The following SAMMSON variants were observed in gnomAD, a reference collection of about 807,000 sequenced individuals.
SAMMSON encodes the protein long intergenic non-protein coding RNA 1212.
intron 4 of SAMMSON, chr3:70,095,916 A>G (rs1427900529): frequency 6.6e-6 from 1 of 152,192 alleles, no homozygotes; most frequent in Non-Finnish European, 1.5e-5. Flanking sequence ...GATTATTGCC[A>G]CATTACCACA....
intron 4 of SAMMSON, among the ~76,000 whole-genome samples, chr3:70,102,438 G>A (rs577048651): frequency 1.3e-5 from 2 of 152,264 alleles, no homozygotes; most frequent in South Asian, 4.1e-4. Flanking sequence ...ACCATCTGTA[G>A]TAATTTTTCT....
chr3:70,179,429 T>C (rs758342505), intron 4 of SAMMSON, among the ~76,000 whole-genome samples: 5 of 152,156 alleles, frequency 3.3e-5, no homozygotes, highest in African/African-American at 4.8e-5. Flanking sequence ...AGGAGCAGAG[T>C]TGCAGAGGCT....
At position 70,184,700 on chromosome 3, in the gene SAMMSON, G is replaced by A. The variant is rs181654987; in HGVS notation, n.508-64407G>A. On this transcript the variant is annotated intron_variant and non_coding_transcript_variant, in intron 4 of 9. Coordinates refer to ENST00000642114, the Ensembl canonical transcript of SAMMSON. Reference sequence around the variant, plus strand: ...AGGTAAATCAGAACAGAAATTTGGAGTCTCAGTTCCCATTGAATAATTTAG... The same window carrying A: ...AGGTAAATCAGAACAGAAATTTGGAATCTCAGTTCCCATTGAATAATTTAG... Among the ~76,000 whole-genome samples the A allele has an allele frequency of 1.4e-3, 209 of 152,294 alleles. 3 individuals carry two copies. Among genetic ancestry groups the A allele is most frequent in the Admixed American group, 0.013 (193 of 15,298 alleles).
chr3:70,066,178 A>G (rs1185517544), intron 3 of SAMMSON, among the ~76,000 whole-genome samples: 2 of 152,092 alleles, frequency 1.3e-5, no homozygotes, highest in Admixed American at 1.3e-4. Flanking sequence ...AAAACCCTAT[A>G]TTAATATCAC....
intron 4 of SAMMSON, among the ~76,000 whole-genome samples, chr3:70,175,333 T>C (rs370680039): frequency 6.6e-6 from 1 of 151,872 alleles, no homozygotes; most frequent in East Asian, 1.9e-4. Context: ...TCTGATTGGG[T>C]CAGTTTAGGC....
intron 7 of SAMMSON, among the ~76,000 whole-genome samples, chr3:70,329,387 TG>T (rs1353888568): frequency 6.6e-6 from 1 of 152,120 alleles, no homozygotes; most frequent in African/African-American, 2.4e-5. Flanking sequence ...AAAACACTTT[TG>T]AATTGGTGAG....
At chr3:70,168,995 A>G (rs1024731080) in intron 4 of SAMMSON, among the ~76,000 whole-genome samples, 2 of 151,966 alleles carry the variant, frequency 1.3e-5, no homozygotes. Flanking sequence ...CTCTCCTAAT[A>G]GAAACAAGGG....
intron 9 of SAMMSON, among the ~76,000 whole-genome samples, chr3:70,359,422 A>G (rs905446360): frequency 4.9e-4 from 75 of 152,306 alleles, no homozygotes; most frequent in Middle Eastern, 3.4e-3. Context: ...ACAATTGACT[A>G]TTACTGAAAA....
chr3:70,009,167 G>A (rs1343870404), intron 1 of SAMMSON: 2 of 152,220 alleles, frequency 1.3e-5, no homozygotes, highest in African/African-American at 4.8e-5. Context: ...ATGAGTGAGG[G>A]AGGATTCCCT....
intron 2 of SAMMSON, among the ~76,000 whole-genome samples, chr3:70,403,204 C>G (rs978030498): frequency 2.0e-5 from 3 of 152,156 alleles, no homozygotes; most frequent in African/African-American, 2.4e-5. Context: ...CTACCCTGCC[C>G]TGTGCAGACA....
rs538541091 is a variant in SAMMSON, at chr3:70,078,934, A to G, written n.507+7369A>G. 5.7e-4 allele frequency among the ~76,000 whole-genome samples: 87 copies of G among 152,200 alleles called. 3 individuals carry two copies. The highest frequency in any genetic ancestry group is 6.0e-4 in the Non-Finnish European group (41 of 68,038). On this transcript the variant is annotated intron_variant and non_coding_transcript_variant, in intron 4 of 9. Transcript: ENST00000642114. ...CTATAACAGATGTTGGCAAAATACA[A>G]TCCATGGACTAAATCTGACCCACTG...
intron 1 of SAMMSON, among the ~76,000 whole-genome samples, chr3:70,007,712 G>A (rs2066934195): frequency 6.6e-6 from 1 of 152,084 alleles, no homozygotes; most frequent in Non-Finnish European, 1.5e-5. Flanking sequence ...TAGACATGAA[G>A]TCCTTGCCCA....
intron 3 of SAMMSON, among the ~76,000 whole-genome samples, chr3:70,063,332 C>T: frequency 6.6e-6 from 1 of 152,088 alleles, no homozygotes; most frequent in South Asian, 2.1e-4. Flanking sequence ...TGGTCTTTTT[C>T]CAGCCTGCTT....
At chr3:70,196,996 A>C in intron 4 of SAMMSON, 1 of 398,586 alleles carries the variant, frequency 2.5e-6, no homozygotes, top group Non-Finnish European at 4.4e-6. Flanking sequence ...GCAAGATTCA[A>C]AAAGGCTGCA....
chr3:70,311,421 C>T (rs150576554), intron 7 of SAMMSON, among the ~76,000 whole-genome samples: 101 of 152,198 alleles, frequency 6.6e-4, no homozygotes, highest in Non-Finnish European at 1.1e-3. Context: ...AGCCCATGGC[C>T]GACAGCATTC....
chr3:70,122,789 T>C (rs2067440403), intron 4 of SAMMSON, among the ~76,000 whole-genome samples: 1 of 152,252 alleles, frequency 6.6e-6, no homozygotes, highest in African/African-American at 2.4e-5. Context: ...ATAAGTTTTT[T>C]ATCCTATAGC....
At chr3:70,247,199 C>T (rs1239305232) in intron 4 of SAMMSON, among the ~76,000 whole-genome samples, 1 of 151,870 alleles carries the variant, frequency 6.6e-6, no homozygotes, top group African/African-American at 2.4e-5. Context: ...CCTGTGTTTT[C>T]AGACATAATG....
chr3:70,001,783 A>G (rs2066906762), intron 1 of SAMMSON, among the ~76,000 whole-genome samples: 1 of 152,186 alleles, frequency 6.6e-6, no homozygotes, highest in African/African-American at 2.4e-5. Flanking sequence ...AAGCAGATCC[A>G]GAGTTACTCA....
At chr3:70,315,146 T>C (rs1231388366) in intron 7 of SAMMSON, among the ~76,000 whole-genome samples, 1 of 152,194 alleles carries the variant, frequency 6.6e-6, no homozygotes, top group Non-Finnish European at 1.5e-5. Flanking sequence ...AGGAAAGATT[T>C]ATGAAGATAG....
Sources: gnomAD v4.1 joint callset for allele counts (sites outside exome capture counted in the v4.1 genomes callset) on GRCh38, gnomAD v4.1.1 for gene constraint, MANE v1.5 for transcripts, NCBI Gene and HGNC (gene_info 2026-07-23, HGNC 2026-07-21) for gene names.